CDH4: variants seen among roughly 807,000 people sequenced by gnomAD.
CDH4 encodes cadherin 4.
Under a neutral mutation model 86.0 loss-of-function variants are expected in CDH4, and 33 were observed. That is an observed-to-expected ratio of 0.38 (90% CI 0.29 to 0.51). The LOEUF (loss-of-function observed/expected upper bound fraction) is 0.51. CDH4 is among the 20% of genes least tolerant of loss of function. The probability of loss-of-function intolerance (pLI) is 0.86; values close to 1 mark genes in which losing one functional copy is unlikely to be tolerated. For synonymous variants in CDH4, 555 were observed against 549.4 expected, an observed-to-expected ratio of 1.01 and a Z score of -0.14; for missense variants, 1,114 against 1,307.4, an observed-to-expected ratio of 0.85 and a Z score of 2.28.
At chr20:61,857,900 T>A (rs1393460356) in intron 6 of CDH4, among the ~76,000 whole-genome samples, 1 of 151,836 alleles carries the variant, frequency 6.6e-6, no homozygotes, top group African/African-American at 2.4e-5. Context: ...TGTGTGTGTC[T>A]CTGTGTGCAT....
intron 2 of CDH4, among the ~76,000 whole-genome samples, chr20:61,387,267 CACACAA>C (rs964458813): frequency 1.5e-4 from 22 of 151,578 alleles, no homozygotes; most frequent in Admixed American, 1.4e-3. Flanking sequence ...CACATACAGC[CACACAA>C]ACACAAACAC....
intron 2 of CDH4, among the ~76,000 whole-genome samples, chr20:61,672,244 T>C (rs1275536858): frequency 6.6e-6 from 1 of 151,490 alleles, no homozygotes; most frequent in Non-Finnish European, 1.5e-5. Context: ...GATGATCGTA[T>C]CGGTAGATGG....
At chr20:61,274,866 T>C (rs2084217845) in intron 2 of CDH4, among the ~76,000 whole-genome samples, 1 of 124,908 alleles carries the variant, frequency 8.0e-6, no homozygotes, top group Admixed American at 8.3e-5. Context: ...CATGCGGTTG[T>C]TTGGGAGAGT....
chr20:61,904,325 C>T (rs1314710014), intron 8 of CDH4, among the ~76,000 whole-genome samples: 1 of 152,162 alleles, frequency 6.6e-6, no homozygotes, highest in African/African-American at 2.4e-5. Context: ...ATGGGGGTCA[C>T]CAGGCAGCTG....
intron 2 of CDH4, among the ~76,000 whole-genome samples, chr20:61,491,530 T>C (rs2085625750): frequency 6.6e-6 from 1 of 152,200 alleles, no homozygotes; most frequent in Non-Finnish European, 1.5e-5. Flanking sequence ...ATGGAAAGAA[T>C]ATTAAAGATA....
At chr20:61,650,951 G>A (rs546162488) in intron 2 of CDH4, among the ~76,000 whole-genome samples, 6 of 152,324 alleles carry the variant, frequency 3.9e-5, no homozygotes, top group South Asian at 2.1e-4. Context: ...GGCTAACATC[G>A]AACCTTTACT....
intron 2 of CDH4, among the ~76,000 whole-genome samples, chr20:61,454,590 C>T (rs1490367044): frequency 1.3e-5 from 2 of 152,162 alleles, no homozygotes; most frequent in East Asian, 1.9e-4. Flanking sequence ...GGACTACAGG[C>T]GCCTGCCACC....
At chr20:61,360,432 G>A (rs1222300897) in intron 2 of CDH4, among the ~76,000 whole-genome samples, 1 of 152,168 alleles carries the variant, frequency 6.6e-6, no homozygotes, top group Non-Finnish European at 1.5e-5. Context: ...ATGAGCCTCT[G>A]CTTCCATCAG....
intron 2 of CDH4, among the ~76,000 whole-genome samples, chr20:61,685,432 G>C (rs1301222713): frequency 6.6e-6 from 1 of 152,184 alleles, no homozygotes; most frequent in Non-Finnish European, 1.5e-5. Context: ...AGCCATTCTT[G>C]CTGTACCTGC....
At chr20:61,730,904 T>A (rs944245) in intron 2 of CDH4, among the ~76,000 whole-genome samples, 81,895 of 152,048 alleles carry the variant, frequency 0.54, 23,807 homozygotes, top group East Asian at 0.88. Context: ...CGGCGGGGTC[T>A]GGGATGGATT....
At chr20:61,647,346 C>A (rs6061692) in intron 2 of CDH4, among the ~76,000 whole-genome samples, 56,383 of 151,878 alleles carry the variant, frequency 0.37, 11,398 homozygotes, top group Non-Finnish European at 0.46. Context: ...CCTAGCGCAA[C>A]TTGTCCTAGC....
intron 3 of CDH4, among the ~76,000 whole-genome samples, chr20:61,762,435 C>CCACCTCTAT (rs2088645917): frequency 6.6e-6 from 1 of 152,220 alleles, no homozygotes; most frequent in Non-Finnish European, 1.5e-5. Context: ...GAGACATTTG[C>CCACCTCTAT]CACCTCTATT....
Position 61,684,784 on chromosome 20 carries a change from G to T in CDH4, c.170-58779G>T, listed in dbSNP as rs1045564428. On this transcript the variant is annotated intron_variant, in intron 2 of 15. Transcript: ENST00000614565. This position sits in a 1 kb window ranked among gnomAD's most constrained non-coding sequence, Gnocchi z 4.5. ...CTCCCTCAATCTGCAGCCCACAGCC[G>T]CCTGCCGTGACCACCCCTCGATGTG... 6.6e-6 allele frequency among the ~76,000 whole-genome samples: 1 copy of T among 152,068 alleles called. No individual in the cohort carries two copies. Among genetic ancestry groups the T allele is most frequent in the Non-Finnish European group, 1.5e-5 (1 of 68,014 alleles).
chr20:61,628,054 CTCCCGTGTGGGG>C (rs2086847546), intron 2 of CDH4, among the ~76,000 whole-genome samples: 4 of 152,154 alleles, frequency 2.6e-5, no homozygotes, highest in Admixed American at 2.6e-4. Flanking sequence ...CCCAGCCATT[CTCCCGTGTGGGG>C]ACGCGTGGAC....
rs979203878 is a variant in CDH4 at position 61,879,796 on chromosome 20, G to T, written c.1050+5896G>T. Among the ~76,000 whole-genome samples the T allele has an allele frequency of 1.3e-5, 2 of 152,174 alleles. No homozygotes were observed. Among genetic ancestry groups the T allele is most frequent in the Admixed American group, 6.5e-5 (1 of 15,274 alleles). Reference sequence around the variant, plus strand: ...ATTGTTGGGCAGTGAAATTAGCACCGGGCCAGCATTGTTCTCAGCGTCCCT... The same window carrying T: ...ATTGTTGGGCAGTGAAATTAGCACCTGGCCAGCATTGTTCTCAGCGTCCCT... On this transcript the variant is annotated intron_variant, in intron 7 of 15. Transcript: ENST00000614565. This position sits in a 1 kb window ranked among gnomAD's most constrained non-coding sequence, Gnocchi z 4.1.
intron 2 of CDH4, among the ~76,000 whole-genome samples, chr20:61,615,442 A>G (rs1455852693): frequency 6.6e-6 from 1 of 152,194 alleles, no homozygotes; most frequent in Admixed American, 6.5e-5. Flanking sequence ...TTTTTAAGTG[A>G]GGAATGTCCC....
chr20:61,889,541 T>G (rs1431995178), intron 7 of CDH4, among the ~76,000 whole-genome samples: 1 of 148,044 alleles, frequency 6.8e-6, no homozygotes, highest in Non-Finnish European at 1.5e-5. Context: ...AAGTGGATGG[T>G]GGATGATGGA....
chr20:61,648,590 T>G (rs2087089999), intron 2 of CDH4, among the ~76,000 whole-genome samples: 1 of 152,186 alleles, frequency 6.6e-6, no homozygotes, highest in African/African-American at 2.4e-5. Context: ...TTTTCCCATT[T>G]CCCATGTTGG....
chr20:61,431,359 GTTTT>G (rs34959436), intron 2 of CDH4, among the ~76,000 whole-genome samples: 2 of 129,962 alleles, frequency 1.5e-5, no homozygotes, highest in Non-Finnish European at 1.6e-5. Context: ...TTTTTTGTTG[GTTTT>G]TTTTTTTTTT....
Sources: gnomAD v4.1 joint callset for allele counts (sites outside exome capture counted in the v4.1 genomes callset) on GRCh38, gnomAD v4.1.1 for gene constraint, Gnocchi (gnomAD v3.1) non-coding constraint, MANE v1.5 for transcripts, NCBI Gene and HGNC (gene_info 2026-07-23, HGNC 2026-07-21) for gene names.